The following CHD1L variants were observed in gnomAD, a reference collection of about 807,000 sequenced individuals.
The protein encoded by CHD1L is ATP-dependent chromatin remodeler CHD1L.
Under a neutral mutation model 115.9 loss-of-function variants are expected in CHD1L, and 118 were observed. That is an observed-to-expected ratio of 1.02 (90% CI 0.88 to 1.19). CHD1L has a LOEUF of 1.19. Among genes scored for constraint, CHD1L ranks in the 50% most tolerant of loss-of-function variants. The pLI is 0.00. For synonymous variants in CHD1L, 411 were observed against 387.1 expected (o/e 1.06, Z -0.72); for missense variants, 1,179 against 1,065.3 (o/e 1.11, Z -1.49).
the CHD1L span, chr1:147,205,070 A>G: frequency 4.8e-6 from 3 of 622,692 alleles, no homozygotes; most frequent in Non-Finnish European, 8.5e-6. Flanking sequence ...ACCAGACTAC[A>G]TGCAAGTCCT....
chr1:147,191,868 A>G, the CHD1L span, among the ~76,000 whole-genome samples: 6 of 152,074 alleles, frequency 3.9e-5, no homozygotes, highest in African/African-American at 1.5e-4. Flanking sequence ...CCATTGATCT[A>G]TATCTCCCTT....
the CHD1L span, among the ~76,000 whole-genome samples, chr1:147,188,677 T>G: frequency 1.3e-5 from 2 of 151,248 alleles, no homozygotes; most frequent in African/African-American, 4.9e-5. Flanking sequence ...TGTATACATA[T>G]GTAAAAAACC....
At chr1:147,183,937 C>T in the CHD1L span, among the ~76,000 whole-genome samples, 2 of 152,144 alleles carry the variant, frequency 1.3e-5, no homozygotes, top group Non-Finnish European at 2.9e-5. Context: ...TTAATGTGCA[C>T]AGCTTCAATA....
At chr1:147,179,674 T>C in the CHD1L span, 1 of 1,081,056 alleles carries the variant, frequency 9.3e-7, no homozygotes, top group East Asian at 2.4e-5. Flanking sequence ...CCACCAGAGA[T>C]GGGAAAACCA....
chr1:147,253,404 G>C (rs1271823174), intron 2 of CHD1L, among the ~76,000 whole-genome samples: 1 of 152,206 alleles, frequency 6.6e-6, no homozygotes, highest in Admixed American at 6.5e-5. Context: ...AGAAGCCATA[G>C]ATAATTTAAA....
chr1:147,203,721 C>T, the CHD1L span: 1 of 1,521,726 alleles, frequency 6.6e-7, no homozygotes, highest in South Asian at 1.1e-5. Flanking sequence ...AGACGTTTAT[C>T]CCTTGTAAGA....
chr1:147,260,105 A>G (rs782800527), intron 6 of CHD1L, 187 bp downstream of exon 6: 2 of 456,598 alleles, frequency 4.4e-6, no homozygotes, highest in Non-Finnish European at 3.9e-6. Context: ...CATTATCAAC[A>G]TACCCCACCA....
At chr1:147,239,281 C>T (rs1043076809), upstream of CHD1L, among the ~76,000 whole-genome samples, 5 of 152,278 alleles carry the variant, frequency 3.3e-5, no homozygotes, top group East Asian at 3.9e-4. Context: ...ATCTCTCAGC[C>T]GCTGGCTAAA....
chr1:147,214,628 A>G, the CHD1L span, among the ~76,000 whole-genome samples: 2 of 152,088 alleles, frequency 1.3e-5, no homozygotes, highest in Non-Finnish European at 2.9e-5. Flanking sequence ...ACTCAGCTTT[A>G]AGAAAACTTT....
intron 15 of CHD1L, among the ~76,000 whole-genome samples, chr1:147,283,981 T>C (rs976828608): frequency 3.3e-5 from 5 of 152,212 alleles, no homozygotes; most frequent in Non-Finnish European, 7.3e-5. Flanking sequence ...AAAAGTGTGT[T>C]TGGAATAAAA....
At chr1:147,248,439 C>A (rs957017802) in intron 1 of CHD1L, among the ~76,000 whole-genome samples, 4 of 152,100 alleles carry the variant, frequency 2.6e-5, no homozygotes, top group Admixed American at 6.5e-5. Flanking sequence ...AACTCCCTAC[C>A]TCAGGAGATC....
chr1:147,270,986 A>T lies in CHD1L; in HGVS notation c.1140A>T (p.Gln380His). ...SQMTQMLDIL[Q>H]DYMDYRGYSY... ...TGACCCAGATGTTGGATATTCTCCA[A>T]GACTATATGGATTACAGAGGTGACA... Residue 380 changes from glutamine to histidine, a missense_variant, in exon 11 of 23, where the codon CAA (glutamine) becomes CAT (histidine). Coordinates refer to ENST00000369258, the MANE Select transcript of CHD1L (RefSeq NM_004284.6). 1 of 1,614,036 alleles carries T rather than the reference A, an allele frequency of 6.2e-7. No homozygotes were observed. The highest frequency in any genetic ancestry group is 8.5e-7 in the Non-Finnish European group (1 of 1,179,924).
the CHD1L span, chr1:147,184,676 C>A: frequency 1.4e-6 from 2 of 1,448,752 alleles, no homozygotes; most frequent in Admixed American, 2.7e-5. This position sits in a 1 kb window ranked among gnomAD's most constrained non-coding sequence, Gnocchi z 4.4. Flanking sequence ...GGTAAAGTGG[C>A]CTTCTCATCA....
At chr1:147,278,318 G>A (rs1679398888) in intron 14 of CHD1L, among the ~76,000 whole-genome samples, 1 of 128,554 alleles carries the variant, frequency 7.8e-6, no homozygotes. Flanking sequence ...TCTGCCTCCC[G>A]GGTTCAAGCA....
the CHD1L span, chr1:147,204,884 C>T: frequency 1.0e-5 from 16 of 1,588,306 alleles, no homozygotes; most frequent in African/African-American, 1.9e-4. Context: ...TTCGCTCCCT[C>T]CTTGAGCATC....
chr1:147,236,800 G>A, the CHD1L span, among the ~76,000 whole-genome samples: 13 of 152,158 alleles, frequency 8.5e-5, no homozygotes, highest in Admixed American at 2.6e-4. Flanking sequence ...GCTTTTACAG[G>A]CCTCAGAGGA....
chr1:147,174,514 T>C, the CHD1L span: 1 of 152,258 alleles, frequency 6.6e-6, no homozygotes, highest in African/African-American at 2.4e-5. Flanking sequence ...TAAATGGAAA[T>C]GACTTTTGAA....
At chr1:147,178,307 CTGAG>C in the CHD1L span, 1 of 1,613,004 alleles carries the variant, frequency 6.2e-7, no homozygotes, top group Non-Finnish European at 8.5e-7. Flanking sequence ...AGACTTGCTC[CTGAG>C]TATGAAGCTG....
At chr1:147,280,583 T>C (rs1184421591) in intron 15 of CHD1L, among the ~76,000 whole-genome samples, 2 of 152,234 alleles carry the variant, frequency 1.3e-5, no homozygotes, top group Non-Finnish European at 2.9e-5. Context: ...TTTTTAAAAT[T>C]GCAGCTAACA....
Sources: allele counts gnomAD v4.1 joint callset (sites outside exome capture counted in the v4.1 genomes callset), GRCh38; gene constraint gnomAD v4.1.1; non-coding constraint Gnocchi (gnomAD v3.1); transcripts MANE v1.5; gene names NCBI Gene and HGNC (gene_info 2026-07-23, HGNC 2026-07-21).